Variants in PDE3A observed in about 807,000 individuals in gnomAD.
PDE3A encodes the protein phosphodiesterase 3A.
PDE3A carries 43 observed loss-of-function variants against 98.3 expected under a neutral mutation model. The observed-to-expected ratio is 0.44, with a 90% CI of 0.34 to 0.56. The LOEUF is 0.56. PDE3A is among the 20% of genes least tolerant of loss of function. The pLI is 0.01. For synonymous variants in PDE3A, 663 were observed against 567.9 expected (o/e 1.17, Z -2.38); for missense variants, 1,427 against 1,440.7 (o/e 0.99, Z 0.15).
At chr12:20,462,773 C>T (rs1421823820) in intron 1 of PDE3A, among the ~76,000 whole-genome samples, 1 of 151,830 alleles carries the variant, frequency 6.6e-6, no homozygotes, top group Non-Finnish European at 1.5e-5. Flanking sequence ...TATCAACATA[C>T]TTTAAGAAAG....
chr12:20,472,085 T>C (rs1945449362), intron 1 of PDE3A, among the ~76,000 whole-genome samples: 1 of 152,154 alleles, frequency 6.6e-6, no homozygotes, highest in Admixed American at 6.6e-5. Context: ...TATTTGAATG[T>C]ATGTTGACAT....
chr12:20,386,275 A>G (rs2120581876), intron 1 of PDE3A, among the ~76,000 whole-genome samples: 1 of 134,172 alleles, frequency 7.5e-6, no homozygotes, highest in East Asian at 2.1e-4. Context: ...ATTATATTAT[A>G]TTATAGTATA....
intron 1 of PDE3A, among the ~76,000 whole-genome samples, chr12:20,405,498 G>T (rs1010671972): frequency 1.3e-5 from 2 of 151,950 alleles, no homozygotes; most frequent in South Asian, 2.1e-4. Context: ...CTCACACCTG[G>T]CACCTCACAG....
intron 1 of PDE3A, among the ~76,000 whole-genome samples, chr12:20,516,437 C>G (rs1946324981): frequency 6.6e-6 from 1 of 152,256 alleles, no homozygotes; most frequent in Non-Finnish European, 1.5e-5. Flanking sequence ...ATTTACACGA[C>G]CAGTTCTACT....
chr12:20,425,797 A>G lies in PDE3A; in HGVS notation c.960+55553A>G, dbSNP rs906118109. Reference sequence around the variant, plus strand: ...TGCGTATTTCACCAAGCATTTGTAGAGAAGCGGCAGAATATGATGATTATG... The same window carrying G: ...TGCGTATTTCACCAAGCATTTGTAGGGAAGCGGCAGAATATGATGATTATG... On this transcript the variant is annotated intron_variant, in intron 1 of 15. Coordinates refer to ENST00000359062, the MANE Select transcript of PDE3A (RefSeq NM_000921.5). Among the ~76,000 whole-genome samples the G allele has an allele frequency of 1.2e-4, 19 of 152,194 alleles. 1 individual carries two copies. The highest frequency in any genetic ancestry group is 4.3e-4 in the African/African-American group (18 of 41,436).
intron 1 of PDE3A, among the ~76,000 whole-genome samples, chr12:20,513,715 G>A (rs118027743): frequency 2.0e-5 from 3 of 152,162 alleles, no homozygotes; most frequent in Non-Finnish European, 2.9e-5. Flanking sequence ...ATATTAAACT[G>A]TAAGGACCAC....
At chr12:20,485,457 C>A (rs1210899945) in intron 1 of PDE3A, among the ~76,000 whole-genome samples, 1 of 152,004 alleles carries the variant, frequency 6.6e-6, no homozygotes, top group East Asian at 1.9e-4. Flanking sequence ...TTAGGGGGGA[C>A]ACAATTCAAC....
chr12:20,399,579 T>C (rs1355942865), intron 1 of PDE3A, among the ~76,000 whole-genome samples: 1 of 152,216 alleles, frequency 6.6e-6, no homozygotes, highest in East Asian at 1.9e-4. Flanking sequence ...GGATTCAGAC[T>C]ATTAAAAAGC....
chr12:20,650,111 T>C (rs907574035), intron 13 of PDE3A, among the ~76,000 whole-genome samples: 2 of 152,194 alleles, frequency 1.3e-5, no homozygotes, highest in Non-Finnish European at 2.9e-5. Context: ...ATGGGGTATC[T>C]GTCACCTCAA....
At chr12:20,406,013 A>G (rs1220544071) in intron 1 of PDE3A, among the ~76,000 whole-genome samples, 1 of 152,176 alleles carries the variant, frequency 6.6e-6, no homozygotes, top group Admixed American at 6.5e-5. Flanking sequence ...ATGATATCCT[A>G]CAGGTTCACC....
intron 4 of PDE3A, among the ~76,000 whole-genome samples, chr12:20,617,623 A>G (rs955756375): frequency 6.6e-6 from 1 of 152,158 alleles, no homozygotes; most frequent in Non-Finnish European, 1.5e-5. Flanking sequence ...ATTGCTTAAT[A>G]AAATGAATTA....
intron 1 of PDE3A, among the ~76,000 whole-genome samples, chr12:20,540,974 A>G (rs1941884659): frequency 6.6e-6 from 1 of 151,498 alleles, no homozygotes; most frequent in Non-Finnish European, 1.5e-5. Flanking sequence ...TCTCACTCCT[A>G]ACATAAGCTA....
At chr12:20,565,313 G>A (rs180729213) in intron 2 of PDE3A, among the ~76,000 whole-genome samples, 2 of 152,094 alleles carry the variant, frequency 1.3e-5, no homozygotes, top group Non-Finnish European at 2.9e-5. Flanking sequence ...CTGACAAAGG[G>A]AAATAATTTT....
At position 20,634,939 on chromosome 12, in the gene PDE3A, TAAC is replaced by T. The variant is rs1249376066; in HGVS notation, c.1889_1891del (p.Asn630del). 2 of 1,610,940 alleles carry T rather than the reference TAAC, an allele frequency of 1.2e-6. No homozygotes were observed. The highest frequency in any genetic ancestry group is 1.1e-5 in the South Asian group (1 of 91,018). ...AAGTTACCTCTGATTATGAAACCAA[TAAC>T]AACAGTGACAGCAGTGACATTGTAC... On this transcript the variant is annotated inframe_deletion, in exon 8 of 16. Coordinates refer to ENST00000359062, the MANE Select transcript of PDE3A (RefSeq NM_000921.5).
intron 15 of PDE3A, among the ~76,000 whole-genome samples, chr12:20,666,585 T>G (rs1945318633): frequency 6.6e-6 from 1 of 152,186 alleles, no homozygotes; most frequent in Admixed American, 6.5e-5. Flanking sequence ...CCAGTTCCAT[T>G]AATGATGCTG....
At chr12:20,671,617 G>T (rs866597429) in intron 15 of PDE3A, among the ~76,000 whole-genome samples, 3,160 of 151,048 alleles carry the variant, frequency 0.021, 80 homozygotes, top group African/African-American at 0.072. Context: ...TATCTCAATA[G>T]ATGCAGAAAA....
rs1157661506 is a variant in PDE3A, at chr12:20,549,304, T to C, written c.961-7356T>C. 2.0e-5 allele frequency among the ~76,000 whole-genome samples: 3 copies of C among 150,950 alleles called. No homozygotes were observed. The Admixed American group carries it at 2.0e-4, about 10-fold the overall frequency. The stretch of plus-strand genomic sequence containing the variant: ...CTTACATCTCCCACTCTCCACCCCA[T>C]GCCCCATCTAGTGGCCAGAATGCTG... On this transcript the variant is annotated intron_variant, in intron 1 of 15. Coordinates refer to ENST00000359062, the MANE Select transcript of PDE3A (RefSeq NM_000921.5).
chr12:20,545,196 G>A (rs1342389089), intron 1 of PDE3A, among the ~76,000 whole-genome samples: 1 of 152,020 alleles, frequency 6.6e-6, no homozygotes, highest in African/African-American at 2.4e-5. Context: ...TGTAAGATTA[G>A]TGGCAGCATA....
chr12:20,635,218 A>G (rs2121512914), intron 8 of PDE3A, among the ~76,000 whole-genome samples, 162 bp downstream of exon 8: 1 of 152,288 alleles, frequency 6.6e-6, no homozygotes. Flanking sequence ...CAGGAGTTCG[A>G]GACCAGCCTG....
Sources: gnomAD v4.1 joint callset for allele counts (sites outside exome capture counted in the v4.1 genomes callset) on GRCh38, gnomAD v4.1.1 for gene constraint, MANE v1.5 for transcripts, NCBI Gene and HGNC (gene_info 2026-07-23, HGNC 2026-07-21) for gene names.